The following ZNF385B variants were observed in gnomAD, a reference collection of about 807,000 sequenced individuals.
ZNF385B encodes zinc finger protein 533.
In ZNF385B, 23 loss-of-function variants were observed where a neutral mutation model predicts 39.2. That is an observed-to-expected ratio of 0.59 (90% CI 0.42 to 0.83). ZNF385B has a LOEUF of 0.83. ZNF385B is among the 40% of genes least tolerant of loss of function. The probability of loss-of-function intolerance (pLI) is 0.00; values close to 1 mark genes in which losing one functional copy is unlikely to be tolerated. For synonymous variants in ZNF385B, 205 were observed against 222.6 expected (o/e 0.92, Z 0.70); for missense variants, 552 against 598.9 (o/e 0.92, Z 0.82).
chr2:179,786,600 C>T (rs1705018617), intron 1 of ZNF385B, among the ~76,000 whole-genome samples: 2 of 152,118 alleles, frequency 1.3e-5, no homozygotes, highest in East Asian at 1.9e-4. Flanking sequence ...GCCACTTGTC[C>T]CAAATACCTT....
At chr2:179,651,656 A>AG (rs1693204369) in intron 3 of ZNF385B, among the ~76,000 whole-genome samples, 1 of 152,186 alleles carries the variant, frequency 6.6e-6, no homozygotes, top group East Asian at 1.9e-4. Context: ...CCCAAATTCC[A>AG]ATAAGACAGT....
chr2:179,686,053 C>T (rs889765438), intron 3 of ZNF385B, among the ~76,000 whole-genome samples: 15 of 152,320 alleles, frequency 9.8e-5, no homozygotes, highest in African/African-American at 3.4e-4. Flanking sequence ...CAGATACATG[C>T]TTTCTTTCAT....
At chr2:179,558,657 T>G (rs1350878829) in intron 3 of ZNF385B, among the ~76,000 whole-genome samples, 1 of 152,186 alleles carries the variant, frequency 6.6e-6, no homozygotes, top group Non-Finnish European at 1.5e-5. Context: ...CAGTAAAATC[T>G]GCTCTAAACC....
intron 3 of ZNF385B, among the ~76,000 whole-genome samples, chr2:179,563,947 G>T (rs1381416140): frequency 6.6e-6 from 1 of 152,152 alleles, no homozygotes; most frequent in Non-Finnish European, 1.5e-5. Context: ...GATTCTTGGA[G>T]TATTTTTTCT....
At chr2:179,791,707 C>G (rs1172459982) in intron 1 of ZNF385B, among the ~76,000 whole-genome samples, 1 of 152,130 alleles carries the variant, frequency 6.6e-6, no homozygotes, top group Non-Finnish European at 1.5e-5. Context: ...TAATACTGAG[C>G]CTATCTTTAT....
At position 179,442,407 on chromosome 2, in the gene ZNF385B, T is replaced by C. The variant is rs189331462; in HGVS notation, c.*843A>G. 6.5e-6 allele frequency: 1 copy of C among 152,776 alleles called. No homozygotes were observed. Among genetic ancestry groups the C allele is most frequent in the Admixed American group, 6.5e-5 (1 of 15,308 alleles). 9.5% of individuals were successfully genotyped at this position (152,776 alleles called of 1,614,324 possible). On this transcript the variant is annotated 3_prime_UTR_variant, in exon 10 of 10. Coordinates refer to ENST00000410066, the MANE Select transcript of ZNF385B (RefSeq NM_152520.6). ...TTAGGAAGCTCTTTTTCTGTTTGTA[T>C]ACGTTTGCTTAGCAACACAAACCAG...
chr2:179,567,895 G>T (rs1684780096), intron 3 of ZNF385B, among the ~76,000 whole-genome samples: 1 of 152,078 alleles, frequency 6.6e-6, no homozygotes, highest in African/African-American at 2.4e-5. Flanking sequence ...ACAGCTAATG[G>T]CTCTTAAGGG....
intron 3 of ZNF385B, among the ~76,000 whole-genome samples, chr2:179,633,917 A>C (rs1691477978): frequency 6.6e-6 from 1 of 152,204 alleles, no homozygotes; most frequent in Non-Finnish European, 1.5e-5. Context: ...ATCTACAACC[A>C]TCTGATCTTT....
intron 3 of ZNF385B, among the ~76,000 whole-genome samples, chr2:179,709,519 T>C (rs1699849001): frequency 6.6e-6 from 1 of 152,150 alleles, no homozygotes; most frequent in African/African-American, 2.4e-5. Context: ...CCACACTGCA[T>C]CTACACCACC....
At chr2:179,839,061 C>T (rs1708411004) in intron 1 of ZNF385B, among the ~76,000 whole-genome samples, 1 of 152,122 alleles carries the variant, frequency 6.6e-6, no homozygotes, top group Non-Finnish European at 1.5e-5. Flanking sequence ...TAGAATCAGC[C>T]TTCAATCTGA....
chr2:179,444,730 A>C, intron 9 of ZNF385B, 146 bp downstream of exon 9: 1 of 691,118 alleles, frequency 1.4e-6, no homozygotes, highest in South Asian at 1.7e-5. Context: ...GGAACTAAGC[A>C]GTTCATTCTA....
intron 1 of ZNF385B, among the ~76,000 whole-genome samples, chr2:179,813,834 G>C (rs931194235): frequency 2.6e-5 from 4 of 152,100 alleles, no homozygotes; most frequent in Admixed American, 6.5e-5. Flanking sequence ...TCATAAAACA[G>C]TATACATCCT....
chr2:179,742,431 A>G (rs1702138721), intron 3 of ZNF385B, among the ~76,000 whole-genome samples: 1 of 152,102 alleles, frequency 6.6e-6, no homozygotes, highest in Non-Finnish European at 1.5e-5. Flanking sequence ...ATTTCAGCTA[A>G]ACAACTAACA....
intron 3 of ZNF385B, among the ~76,000 whole-genome samples, chr2:179,707,008 T>C (rs1050447747): frequency 5.3e-5 from 8 of 152,142 alleles, no homozygotes; most frequent in African/African-American, 1.9e-4. Context: ...ACCCCCATGA[T>C]GTGCTATCAG....
chr2:179,744,818 T>C (rs759652951), intron 3 of ZNF385B, among the ~76,000 whole-genome samples: 8 of 152,086 alleles, frequency 5.3e-5, no homozygotes, highest in Non-Finnish European at 1.0e-4. Context: ...TGCTATTTAA[T>C]ACATTATAAC....
chr2:179,478,154 C>A (rs765608230), intron 6 of ZNF385B, among the ~76,000 whole-genome samples: 1 of 152,184 alleles, frequency 6.6e-6, no homozygotes, highest in Non-Finnish European at 1.5e-5. Flanking sequence ...ACCTAACCTT[C>A]CCATAACCCA....
intron 6 of ZNF385B, among the ~76,000 whole-genome samples, chr2:179,451,404 G>A (rs2050141473): frequency 6.6e-6 from 1 of 151,996 alleles, no homozygotes; most frequent in Admixed American, 6.6e-5. Context: ...GGCAACAAGT[G>A]TAATGGGAGA....
Position 179,492,720 on chromosome 2 carries a change from A to G in ZNF385B, c.553-9286T>C, listed in dbSNP as rs539693102. On this transcript the variant is annotated intron_variant, in intron 5 of 9. Coordinates refer to ENST00000410066, the MANE Select transcript of ZNF385B (RefSeq NM_152520.6). ...CAAAACAGGTTTTTGTAAAATTCATACTCCAAAACCGAAACCAATTACTAA... is the reference window on the plus strand; with the variant it reads ...CAAAACAGGTTTTTGTAAAATTCATGCTCCAAAACCGAAACCAATTACTAA... 2.8e-3 allele frequency among the ~76,000 whole-genome samples: 430 copies of G among 152,174 alleles called. 15 individuals carry two copies. The highest frequency in any genetic ancestry group is 3.0e-3 in the Non-Finnish European group (206 of 67,984).
At chr2:179,562,983 C>T (rs1684101874) in intron 3 of ZNF385B, among the ~76,000 whole-genome samples, 1 of 148,438 alleles carries the variant, frequency 6.7e-6, no homozygotes, top group Non-Finnish European at 1.5e-5. Flanking sequence ...AATTTATTTG[C>T]ATTCTATTAG....
Sources: gnomAD v4.1 joint callset for allele counts (sites outside exome capture counted in the v4.1 genomes callset) on GRCh38, gnomAD v4.1.1 for gene constraint, MANE v1.5 for transcripts, NCBI Gene and HGNC (gene_info 2026-07-23, HGNC 2026-07-21) for gene names.